The following DPYD variants were observed in gnomAD, a reference collection of about 807,000 sequenced individuals.
The protein encoded by DPYD is dihydropyrimidine dehydrogenase, also known as dihydropyrimidine dehydrogenase [NADP(+)].
DPYD carries 109 observed loss-of-function variants against 116.2 expected under a neutral mutation model. The ratio of observed to expected loss-of-function variants is 0.94; its 90% confidence interval spans 0.80 to 1.10. The LOEUF is 1.10. Ranked by LOEUF, DPYD falls within the 50% of genes least tolerant of loss-of-function variation. The pLI is 0.00. For missense variants in DPYD, 1,302 were observed against 1,254.5 expected, an observed-to-expected ratio of 1.04 and a Z score of -0.57; for synonymous variants, 440 against 432.0, an observed-to-expected ratio of 1.02 and a Z score of -0.23.
Position 97,778,915 on chromosome 1 carries a change from C to T in DPYD, c.234-38436G>A, listed in dbSNP as rs573700988. Among the ~76,000 whole-genome samples the T allele has an allele frequency of 2.0e-5, 3 of 152,252 alleles. No homozygotes were observed. In the South Asian group the frequency reaches 6.2e-4, roughly 32 times the overall value. ...TGGTTCAACAAGCTCTCTTTCTATA[C>T]TGATGGTTAGCATTGAAACATACTG... On this transcript the variant is annotated intron_variant, in intron 3 of 22. Transcript: ENST00000370192.
intron 14 of DPYD, among the ~76,000 whole-genome samples, chr1:97,401,765 G>A (rs1181891402): frequency 6.6e-6 from 1 of 152,012 alleles, no homozygotes; most frequent in Non-Finnish European, 1.5e-5. Context: ...TTATATTTTT[G>A]TGCTTTACAT....
At chr1:97,751,452 G>GTATATA (rs1557933124) in intron 3 of DPYD, among the ~76,000 whole-genome samples, 1 of 33,154 alleles carries the variant, frequency 3.0e-5, no homozygotes, top group African/African-American at 1.0e-4. Flanking sequence ...GTGTGTGTGT[G>GTATATA]TGTGTGTGTA....
chr1:97,599,856 T>C (rs1408505564), intron 8 of DPYD, among the ~76,000 whole-genome samples: 1 of 51,172 alleles, frequency 2.0e-5, no homozygotes, highest in African/African-American at 8.3e-5. Context: ...AAAACCCATC[T>C]CCACAAAAAA....
chr1:97,582,763 A>C (rs1294994411), intron 10 of DPYD, among the ~76,000 whole-genome samples: 1 of 152,210 alleles, frequency 6.6e-6, no homozygotes, highest in East Asian at 1.9e-4. Context: ...CTTGAACATA[A>C]AGAAACATTT....
chr1:97,572,319 T>A (rs1652956599), intron 11 of DPYD, among the ~76,000 whole-genome samples: 1 of 151,910 alleles, frequency 6.6e-6, no homozygotes, highest in Non-Finnish European at 1.5e-5. Context: ...TACACATGCC[T>A]GCGCGCACAC....
intron 8 of DPYD, among the ~76,000 whole-genome samples, chr1:97,602,700 C>T (rs1408217702): frequency 1.3e-5 from 2 of 151,780 alleles, no homozygotes; most frequent in South Asian, 2.1e-4. Flanking sequence ...ACTTTTATAA[C>T]AGATCATGTC....
chr1:97,178,786 T>C (rs545373048), intron 20 of DPYD, among the ~76,000 whole-genome samples: 8 of 152,292 alleles, frequency 5.3e-5, no homozygotes, highest in Middle Eastern at 3.4e-3. Context: ...GTGGTAATAA[T>C]AGACCCTTAA....
At chr1:97,776,134 T>C (rs993690422) in intron 3 of DPYD, among the ~76,000 whole-genome samples, 1 of 152,172 alleles carries the variant, frequency 6.6e-6, no homozygotes, top group African/African-American at 2.4e-5. Context: ...TTAAGCTTTA[T>C]CATTTTCATC....
chr1:97,162,183 C>T (rs1056961184), intron 20 of DPYD, among the ~76,000 whole-genome samples: 33 of 152,102 alleles, frequency 2.2e-4, no homozygotes, highest in African/African-American at 7.2e-4. Flanking sequence ...TTTACAGTCC[C>T]ACCAACAGTG....
chr1:97,886,415 G>A (rs2101649573), intron 1 of DPYD, among the ~76,000 whole-genome samples: 1 of 152,156 alleles, frequency 6.6e-6, no homozygotes, highest in South Asian at 2.1e-4. Flanking sequence ...CACTCATAGA[G>A]CCAAGGTTCT....
intron 20 of DPYD, among the ~76,000 whole-genome samples, chr1:97,154,281 G>A (rs1655264708): frequency 6.6e-6 from 1 of 152,134 alleles, no homozygotes; most frequent in South Asian, 2.1e-4. Flanking sequence ...TAAAGAAAAC[G>A]TGGTAAATAT....
At chr1:97,208,487 T>A (rs1020640207) in intron 19 of DPYD, among the ~76,000 whole-genome samples, 1 of 151,922 alleles carries the variant, frequency 6.6e-6, no homozygotes, top group Non-Finnish European at 1.5e-5. Flanking sequence ...GGTCTTGCTA[T>A]GTTGCCCAGG....
intron 8 of DPYD, among the ~76,000 whole-genome samples, chr1:97,650,847 T>C (rs1203851104): frequency 1.3e-5 from 2 of 149,448 alleles, no homozygotes; most frequent in East Asian, 3.9e-4. Context: ...AAGGTGTGTA[T>C]ACACACACAC....
intron 1 of DPYD, among the ~76,000 whole-genome samples, chr1:97,889,587 A>G (rs1044701998): frequency 6.6e-6 from 1 of 152,064 alleles, no homozygotes; most frequent in Non-Finnish European, 1.5e-5. Context: ...TTATAAACAT[A>G]TATGTGCCTA....
At chr1:97,105,313 G>C (rs1195304215) in intron 20 of DPYD, among the ~76,000 whole-genome samples, 1 of 152,180 alleles carries the variant, frequency 6.6e-6, no homozygotes, top group South Asian at 2.1e-4. Flanking sequence ...TGTGAAAAGA[G>C]AGGGCAAGAG....
intron 1 of DPYD, among the ~76,000 whole-genome samples, chr1:97,912,479 A>G (rs1365492206): frequency 6.6e-6 from 1 of 152,148 alleles, no homozygotes; most frequent in Non-Finnish European, 1.5e-5. Context: ...ATCAAATTAT[A>G]TATGACTAAA....
At chr1:97,638,406 C>G (rs142770521) in intron 8 of DPYD, among the ~76,000 whole-genome samples, 1 of 152,162 alleles carries the variant, frequency 6.6e-6, no homozygotes, top group African/African-American at 2.4e-5. Context: ...ATCATTATGT[C>G]ACCTAGGAGA....
chr1:97,806,182 T>A (rs544705423), intron 3 of DPYD, among the ~76,000 whole-genome samples: 28 of 152,048 alleles, frequency 1.8e-4, no homozygotes, highest in African/African-American at 6.7e-4. Context: ...ATAGACCACA[T>A]GCAGGGACAA....
rs1386407134 is a variant in DPYD at position 97,366,121 on chromosome 1, T to C, written c.2058+7440A>G. Reference sequence around the variant, plus strand: ...TTAATAACTATAATTGAAAAACTCATAGAGAACCAGCTGTAGGCAAAATAT... The same window carrying C: ...TTAATAACTATAATTGAAAAACTCACAGAGAACCAGCTGTAGGCAAAATAT... On this transcript the variant is annotated intron_variant, in intron 16 of 22. Coordinates refer to ENST00000370192, the MANE Select transcript of DPYD (RefSeq NM_000110.4). Among the ~76,000 whole-genome samples, 7 of 152,292 alleles carry C rather than the reference T, an allele frequency of 4.6e-5. 1 individual carries two copies. In the South Asian group the frequency reaches 1.0e-3, roughly 23 times the overall value.
Sources: allele counts gnomAD v4.1 joint callset (sites outside exome capture counted in the v4.1 genomes callset), GRCh38; gene constraint gnomAD v4.1.1; transcripts MANE v1.5; gene names NCBI Gene and HGNC (gene_info 2026-07-23, HGNC 2026-07-21).